The following DCDC2C variants were observed in gnomAD, a reference collection of about 807,000 sequenced individuals.
DCDC2C encodes the protein doublecortin domain containing 2C, also known as doublecortin domain-containing protein 2C.
In DCDC2C, 44 loss-of-function variants were observed where a neutral mutation model predicts 45.0. That is an observed-to-expected ratio of 0.98 (90% confidence interval 0.77 to 1.26). The LOEUF is 1.26. DCDC2C is among the 50% of genes most tolerant of loss of function. DCDC2C has a pLI of 0.00. For missense variants in DCDC2C, 447 were observed against 468.9 expected (o/e 0.95, Z 0.43); for synonymous variants, 187 against 178.8 (o/e 1.05, Z -0.37).
Position 3,727,199 on chromosome 2 carries a change from C to T in DCDC2C, c.416+120C>T, listed in dbSNP as rs554496505. On this transcript the variant is annotated intron_variant, in intron 3 of 10. Transcript: ENST00000399143. ...CTGTCCCTCCTCCCCTCCCCTCCCC[C>T]TGCTCTCTTGTGCTCTCACTTCCTG... 4.6e-5 allele frequency: 35 copies of T among 762,744 alleles called. No individual in the cohort carries two copies. The East Asian group carries it at 9.5e-4, about 21-fold the overall frequency. 47.2% of individuals were successfully genotyped at this position (762,744 alleles called of 1,614,324 possible).
chr2:3,785,533 C>T (rs750992927), intron 10 of DCDC2C, among the ~76,000 whole-genome samples: 44 of 152,256 alleles, frequency 2.9e-4, no homozygotes, highest in South Asian at 2.1e-3. Flanking sequence ...ATGTGCTTGC[C>T]TGGCGAGAGC....
chr2:3,712,224 G>A (rs746775259), intron 2 of DCDC2C, among the ~76,000 whole-genome samples: 2 of 152,058 alleles, frequency 1.3e-5, no homozygotes, highest in Non-Finnish European at 2.9e-5. Context: ...TGCCCCACAC[G>A]AGAACACAGA....
At chr2:3,833,908 C>T (rs916274710) in intron 10 of DCDC2C, among the ~76,000 whole-genome samples, 5 of 152,180 alleles carry the variant, frequency 3.3e-5, no homozygotes, top group African/African-American at 1.2e-4. Context: ...TAGCAGTCTT[C>T]TCTATCTTTT....
intron 9 of DCDC2C, among the ~76,000 whole-genome samples, chr2:3,779,878 C>T (rs1291151997): frequency 2.6e-5 from 4 of 152,092 alleles, no homozygotes; most frequent in African/African-American, 9.7e-5. Context: ...TGGAGCCACG[C>T]AGGTCACCCC....
intron 10 of DCDC2C, among the ~76,000 whole-genome samples, chr2:3,821,552 C>T (rs905277163): frequency 2.6e-5 from 4 of 152,188 alleles, no homozygotes; most frequent in African/African-American, 7.2e-5. Flanking sequence ...GAGAAAGTTA[C>T]TCTGTATCCT....
At chr2:3,759,985 C>T (rs1669835297) in intron 6 of DCDC2C, among the ~76,000 whole-genome samples, 1 of 152,250 alleles carries the variant, frequency 6.6e-6, no homozygotes, top group African/African-American at 2.4e-5. Flanking sequence ...GACCTCTGCA[C>T]TTGGAATCCC....
At chr2:3,735,744 CTG>C (rs1669006468) in intron 3 of DCDC2C, among the ~76,000 whole-genome samples, 1 of 152,018 alleles carries the variant, frequency 6.6e-6, no homozygotes, top group East Asian at 1.9e-4. Context: ...CTGTGAAATA[CTG>C]TGTGTTAAAA....
At chr2:3,768,666 C>G (rs112785092) in intron 7 of DCDC2C, among the ~76,000 whole-genome samples, 19 of 152,274 alleles carry the variant, frequency 1.2e-4, no homozygotes, top group African/African-American at 4.6e-4. Flanking sequence ...CTCTGCCTCC[C>G]GAGTTCAAGT....
intron 4 of DCDC2C, among the ~76,000 whole-genome samples, chr2:3,744,010 G>A (rs895612435): frequency 7.9e-5 from 12 of 152,182 alleles, no homozygotes; most frequent in African/African-American, 2.9e-4. Flanking sequence ...ATGGGAGAAG[G>A]ACTCTAAAAA....
rs563547518 is a variant in DCDC2C, at chr2:3,847,541, T to C, written c.*358T>C. On this transcript the variant is annotated 3_prime_UTR_variant, in exon 11 of 11. Transcript: ENST00000399143. ...TGTACGGGAAGGTATCTCATTTATATGTAACTTGGAGGTTGTCACAAAAGC... is the reference window on the plus strand; with the variant it reads ...TGTACGGGAAGGTATCTCATTTATACGTAACTTGGAGGTTGTCACAAAAGC... The C allele has an allele frequency of 8.2e-4, 142 of 172,124 alleles. No homozygotes were observed. The highest frequency in any genetic ancestry group is 3.2e-3 in the African/African-American group (138 of 42,500). 10.7% of individuals were successfully genotyped at this position (172,124 alleles called of 1,614,324 possible). A position where few individuals can be genotyped will look rare whatever the true frequency, so the allele number is the denominator to read the frequency against.
chr2:3,785,055 C>T lies in DCDC2C; in HGVS notation c.1024-4C>T. 1 of 1,231,422 alleles carries T rather than the reference C, an allele frequency of 8.1e-7. No homozygotes were observed. Among genetic ancestry groups the T allele is most frequent in the Non-Finnish European group, 1.0e-6 (1 of 987,730 alleles). The allele number at this position is 1,231,422 out of a possible 1,614,324, so 76.3% of individuals were successfully genotyped here. On this transcript the variant is annotated splice_polypyrimidine_tract_variant and splice_region_variant and intron_variant, in intron 9 of 10. Transcript: ENST00000399143. ...TGATTCCTATATTTGTTTTTTCATA[C>T]TAGGATAAAGAAGATGCAAGGCTTT...
chr2:3,754,412 T>C (rs1669627095), intron 5 of DCDC2C, among the ~76,000 whole-genome samples, 180 bp from the exon 6 acceptor site: 1 of 152,220 alleles, frequency 6.6e-6, no homozygotes, highest in Non-Finnish European at 1.5e-5. Flanking sequence ...AACAGATTCC[T>C]GGGGCGTTTT....
chr2:3,774,233 G>A (rs1670266326), intron 8 of DCDC2C, among the ~76,000 whole-genome samples: 1 of 152,236 alleles, frequency 6.6e-6, no homozygotes, highest in Non-Finnish European at 1.5e-5. Flanking sequence ...TCCTTGGGGT[G>A]TTGGCTTTAA....
intron 4 of DCDC2C, among the ~76,000 whole-genome samples, chr2:3,747,759 C>A (rs1292229963): frequency 6.6e-6 from 1 of 152,184 alleles, no homozygotes; most frequent in Non-Finnish European, 1.5e-5. Flanking sequence ...TCCATCTAAG[C>A]CCTGAGGGGA....
intron 10 of DCDC2C, among the ~76,000 whole-genome samples, chr2:3,786,195 C>T (rs1264163481): frequency 6.6e-6 from 1 of 152,040 alleles, no homozygotes; most frequent in Non-Finnish European, 1.5e-5. Context: ...GCCTCCCATG[C>T]AGATGTGTCC....
Position 3,847,574 on chromosome 2 carries a change from G to T in DCDC2C, c.*391G>T, listed in dbSNP as rs1672363612. On this transcript the variant is annotated 3_prime_UTR_variant, in exon 11 of 11. Coordinates refer to ENST00000399143, the MANE Select transcript of DCDC2C (RefSeq NM_001287444.2). ...GGAGGTTGTCACAAAAGCAGGTACT[G>T]ATAACCTTTGCTATGTAAAGTTCAA... Among the ~76,000 whole-genome samples, 1 of 152,118 alleles carries T rather than the reference G, an allele frequency of 6.6e-6. No individual in the cohort carries two copies. Among genetic ancestry groups the T allele is most frequent in the Admixed American group, 6.5e-5 (1 of 15,284 alleles).
intron 10 of DCDC2C, among the ~76,000 whole-genome samples, chr2:3,845,316 C>T (rs113346611): frequency 3.3e-5 from 5 of 152,164 alleles, no homozygotes; most frequent in East Asian, 1.9e-4. Context: ...TGTTACCAAG[C>T]GAGAGAAGAC....
chr2:3,756,580 C>T (rs558835462), intron 6 of DCDC2C, among the ~76,000 whole-genome samples: 1 of 152,368 alleles, frequency 6.6e-6, no homozygotes, highest in East Asian at 1.9e-4. Flanking sequence ...GCCCAGCCTG[C>T]ACTTCCTCTG....
chr2:3,838,238 A>G (rs1225332504), intron 10 of DCDC2C, among the ~76,000 whole-genome samples: 4 of 151,848 alleles, frequency 2.6e-5, no homozygotes, highest in African/African-American at 9.7e-5. Flanking sequence ...AGAGGTGCTG[A>G]TGAGGTAGGA....
Sources: gnomAD v4.1 joint callset for allele counts (sites outside exome capture counted in the v4.1 genomes callset) on GRCh38, gnomAD v4.1.1 for gene constraint, MANE v1.5 for transcripts, NCBI Gene and HGNC (gene_info 2026-07-23, HGNC 2026-07-21) for gene names.